The following PDSS2 variants were observed in gnomAD, a reference collection of about 807,000 sequenced individuals.
The protein encoded by PDSS2 is all trans-polyprenyl-diphosphate synthase PDSS2.
Under a neutral mutation model 44.5 loss-of-function variants are expected in PDSS2, and 31 were observed. That is an observed-to-expected ratio of 0.70 (90% CI 0.52 to 0.94). The LOEUF (loss-of-function observed/expected upper bound fraction) is 0.94, where lower values mean the gene tolerates loss of function less well. Ranked by LOEUF, PDSS2 falls within the 40% of genes least tolerant of loss-of-function variation. The pLI, the probability that PDSS2 is intolerant of heterozygous loss-of-function variation, is 0.00. For synonymous variants in PDSS2, 157 were observed against 180.3 expected (o/e 0.87, Z 1.03); for missense variants, 452 against 482.2 (o/e 0.94, Z 0.59).
At chr6:107,311,175 C>G (rs1777033430) in intron 2 of PDSS2, among the ~76,000 whole-genome samples, 1 of 147,200 alleles carries the variant, frequency 6.8e-6, no homozygotes, top group African/African-American at 2.5e-5. Flanking sequence ...CTTGGGCTCC[C>G]AAAATGCCAC....
chr6:107,251,358 C>A (rs1389342635), intron 3 of PDSS2, among the ~76,000 whole-genome samples: 1 of 152,048 alleles, frequency 6.6e-6, no homozygotes, highest in Non-Finnish European at 1.5e-5. Flanking sequence ...AAAATTTGTC[C>A]TCAGGTGATT....
At chr6:107,260,810 C>A (rs967291018) in intron 3 of PDSS2, among the ~76,000 whole-genome samples, 2 of 151,774 alleles carry the variant, frequency 1.3e-5, no homozygotes, top group Non-Finnish European at 2.9e-5. Context: ...ACTACAGGCG[C>A]CCGCCACTAT....
intron 1 of PDSS2, among the ~76,000 whole-genome samples, chr6:107,377,725 T>C (rs998718605): frequency 3.3e-5 from 5 of 152,146 alleles, no homozygotes; most frequent in African/African-American, 1.2e-4. Flanking sequence ...GATGAGTTCA[T>C]GTCCTTTGTA....
At chr6:107,270,200 C>A (rs753870324) in intron 3 of PDSS2, among the ~76,000 whole-genome samples, 4 of 152,084 alleles carry the variant, frequency 2.6e-5, no homozygotes, top group African/African-American at 4.8e-5. Context: ...CCTCCACCAC[C>A]CAGGTTCGAG....
chr6:107,320,764 C>T (rs1777355463), intron 2 of PDSS2, among the ~76,000 whole-genome samples: 1 of 152,164 alleles, frequency 6.6e-6, no homozygotes, highest in South Asian at 2.1e-4. Context: ...AACAATAATA[C>T]ATGGAGCACT....
intron 1 of PDSS2, among the ~76,000 whole-genome samples, chr6:107,396,907 G>C (rs1779965907): frequency 6.6e-6 from 1 of 151,786 alleles, no homozygotes; most frequent in Admixed American, 6.6e-5. Flanking sequence ...TACCCAGGCT[G>C]GTCCTGAACT....
Position 107,459,537 on chromosome 6 carries a change from T to A in PDSS2, c.-252A>T. The A allele has an allele frequency of 1.8e-6, 1 of 544,440 alleles. No individual in the cohort carries two copies. The highest frequency in any genetic ancestry group is 3.2e-5 in the East Asian group (1 of 31,242). 33.7% of individuals were successfully genotyped at this position (544,440 alleles called of 1,614,324 possible). A position where few individuals can be genotyped will look rare whatever the true frequency, so the allele number is the denominator to read the frequency against. On this transcript the variant is annotated 5_prime_UTR_variant, in exon 1 of 8. The change abolishes the stop of an existing upstream ORF in the 5' untranslated region. Coordinates refer to ENST00000369037, the MANE Select transcript of PDSS2 (RefSeq NM_020381.4). This position sits in a 1 kb window ranked among gnomAD's most constrained non-coding sequence, Gnocchi z 4.3. ...CGGGGTAGAAACCACAGCCACTGCC[T>A]ATGTGGAGGACGCCATATTGGAGGC...
intron 2 of PDSS2, among the ~76,000 whole-genome samples, chr6:107,276,283 C>A (rs1223782732): frequency 6.6e-6 from 1 of 152,130 alleles, no homozygotes; most frequent in Admixed American, 6.5e-5. Flanking sequence ...ATATGCCCAG[C>A]TGGATTTCAG....
At chr6:107,175,549 T>C (rs1023164250) in intron 7 of PDSS2, among the ~76,000 whole-genome samples, 3 of 152,156 alleles carry the variant, frequency 2.0e-5, no homozygotes, top group African/African-American at 7.2e-5. Context: ...TTTTAAAAGA[T>C]ACATATCACA....
chr6:107,194,137 C>T (rs1772474768), intron 6 of PDSS2, among the ~76,000 whole-genome samples: 1 of 152,180 alleles, frequency 6.6e-6, no homozygotes. Context: ...TATACATATA[C>T]AGCATCTCAT....
intron 7 of PDSS2, among the ~76,000 whole-genome samples, chr6:107,177,206 C>G (rs923741632): frequency 4.7e-4 from 70 of 147,478 alleles, no homozygotes; most frequent in African/African-American, 1.7e-3. Flanking sequence ...TCTTGGCTCA[C>G]TGCAACCTCT....
chr6:107,183,171 C>A (rs11758654), intron 7 of PDSS2, among the ~76,000 whole-genome samples: 5,974 of 150,874 alleles, frequency 0.04, 172 homozygotes, highest in Non-Finnish European at 0.061. Flanking sequence ...ATAATCATGC[C>A]ACTGCACTCC....
chr6:107,369,692 A>G (rs1779071820), intron 1 of PDSS2, among the ~76,000 whole-genome samples: 1 of 152,068 alleles, frequency 6.6e-6, no homozygotes, highest in Admixed American at 6.5e-5. Flanking sequence ...ACCAATCTCC[A>G]TACACAGCTG....
At chr6:107,188,928 G>A (rs1457684052) in intron 7 of PDSS2, among the ~76,000 whole-genome samples, 1 of 152,000 alleles carries the variant, frequency 6.6e-6, no homozygotes, top group African/African-American at 2.4e-5. Context: ...TTTTGAGACA[G>A]GGTCTCACTC....
At position 107,154,168 on chromosome 6, in the gene PDSS2, A is replaced by G. The variant is rs1458258011; in HGVS notation, c.*451T>C. ...CATTGAACTACTCTCCATTATGACA[A>G]ATTGGTCACTAGTTTTTGATTAGAC... On this transcript the variant is annotated 3_prime_UTR_variant, in exon 8 of 8. Coordinates refer to ENST00000369037, the MANE Select transcript of PDSS2 (RefSeq NM_020381.4). 1 of 191,276 alleles carries G rather than the reference A, an allele frequency of 5.2e-6. No homozygotes were observed. The highest frequency in any genetic ancestry group is 1.1e-5 in the Non-Finnish European group (1 of 91,700). 11.8% of individuals were successfully genotyped at this position (191,276 alleles called of 1,614,324 possible).
At chr6:107,404,002 T>A (rs1450376793) in intron 1 of PDSS2, among the ~76,000 whole-genome samples, 1 of 152,210 alleles carries the variant, frequency 6.6e-6, no homozygotes, top group African/African-American at 2.4e-5. Flanking sequence ...TTCTACAGCA[T>A]CATCAGGCTG....
At chr6:107,312,966 T>G (rs1402138883) in intron 2 of PDSS2, among the ~76,000 whole-genome samples, 2 of 152,338 alleles carry the variant, frequency 1.3e-5, no homozygotes, top group African/African-American at 4.8e-5. Flanking sequence ...GGATCAGAAT[T>G]GAAAGCTATG....
chr6:107,286,914 C>A lies in PDSS2; in HGVS notation c.432-12687G>T, dbSNP rs112158537. On this transcript the variant is annotated intron_variant, in intron 2 of 7. Transcript: ENST00000369037. The stretch of plus-strand genomic sequence containing the variant: ...AATTAGCTGAGCATGGTGGCACGCG[C>A]CTGTAGTCCCAGCTACCCGGGAGGC... Among the ~76,000 whole-genome samples, 842 of 152,154 alleles carry A rather than the reference C, an allele frequency of 5.5e-3. 6 individuals are homozygous for A. Among genetic ancestry groups the A allele is most frequent in the African/African-American group, 0.02 (824 of 41,520 alleles).
chr6:107,412,233 CTTTT>C (rs1169549611), intron 1 of PDSS2, among the ~76,000 whole-genome samples: 2 of 73,406 alleles, frequency 2.7e-5, no homozygotes, highest in Non-Finnish European at 5.1e-5. Flanking sequence ...GTCCTTTGCT[CTTTT>C]TTTTTTTTTT....
Sources: gnomAD v4.1 joint callset for allele counts (sites outside exome capture counted in the v4.1 genomes callset) on GRCh38, gnomAD v4.1.1 for gene constraint, Gnocchi (gnomAD v3.1) non-coding constraint, MANE v1.5 for transcripts, NCBI Gene and HGNC (gene_info 2026-07-23, HGNC 2026-07-21) for gene names.